ZMPSTE24: variants seen among roughly 807,000 people sequenced by gnomAD.
The protein encoded by ZMPSTE24 is zinc metallopeptidase STE24, also known as CAAX prenyl protease 1 homolog.
A neutral mutation model predicts 56.7 loss-of-function variants in ZMPSTE24; 48 were observed. That is an observed-to-expected ratio of 0.85 (90% confidence interval 0.67 to 1.08). ZMPSTE24 has a LOEUF of 1.08. Among genes scored for constraint, ZMPSTE24 ranks in the 50% least tolerant of loss-of-function variants. The pLI is 0.00. For synonymous variants in ZMPSTE24, 172 were observed against 195.2 expected (o/e 0.88, Z 0.99); for missense variants, 503 against 548.7 (o/e 0.92, Z 0.83).
chr1:40,265,381 T>A (rs1485845343), intron 2 of ZMPSTE24, among the ~76,000 whole-genome samples: 2 of 152,060 alleles, frequency 1.3e-5, no homozygotes, highest in African/African-American at 4.8e-5. Context: ...TGTAGTAAAG[T>A]GGAAATACCT....
rs771942616 is a variant in ZMPSTE24, at chr1:40,260,936, A to C, written c.221A>C (p.Lys74Thr). 1 of 1,614,194 alleles carries C rather than the reference A, an allele frequency of 6.2e-7. No homozygotes were observed. Among genetic ancestry groups the C allele is most frequent in the Non-Finnish European group, 8.5e-7 (1 of 1,180,032 alleles). Residue 74 changes from lysine to threonine, a missense_variant, in exon 2 of 10, where the codon AAA (lysine) becomes ACA (threonine). Lys to Thr is a moderately conservative substitution (Grantham distance 78). Transcript: ENST00000372759. The stretch of plus-strand genomic sequence containing the variant: ...AAATCTCGACTCTATCAACTGGATA[A>C]AAGCACTTTCAGCTTCTGGTCAGGA... ...FEKSRLYQLDKSTFSFWSGLY... is the reference protein window; with the variant it reads ...FEKSRLYQLDTSTFSFWSGLY...
At chr1:40,290,447 T>A (rs1446290838) in intron 8 of ZMPSTE24, among the ~76,000 whole-genome samples, 2 of 136,982 alleles carry the variant, frequency 1.5e-5, no homozygotes, top group African/African-American at 5.8e-5. Flanking sequence ...AATCACACTA[T>A]GAATTTTTTT....
chr1:40,281,315 T>A, intron 6 of ZMPSTE24, 28 bp from the exon 7 acceptor site: 1 of 1,612,872 alleles, frequency 6.2e-7, no homozygotes, highest in Non-Finnish European at 8.5e-7. Context: ...TTAATTATAT[T>A]CCATGCTTTG....
At chr1:40,275,194 C>T (rs539336708) in intron 6 of ZMPSTE24, among the ~76,000 whole-genome samples, 2 of 143,028 alleles carry the variant, frequency 1.4e-5, no homozygotes, top group East Asian at 4.2e-4. Context: ...CCGAGGTGGG[C>T]GGATCACTTG....
At chr1:40,267,348 TTA>T (rs1643560729) in intron 2 of ZMPSTE24, among the ~76,000 whole-genome samples, 1 of 143,302 alleles carries the variant, frequency 7.0e-6, no homozygotes. Context: ...TTATTTTATT[TTA>T]TTTTATTTTA....
At chr1:40,270,601 C>A (rs905198124) in intron 5 of ZMPSTE24, among the ~76,000 whole-genome samples, 3 of 152,088 alleles carry the variant, frequency 2.0e-5, no homozygotes, top group African/African-American at 7.2e-5. Flanking sequence ...CTTCTTTGCC[C>A]CATCTGCTTC....
chr1:40,285,551 A>G (rs1262772099), intron 7 of ZMPSTE24, among the ~76,000 whole-genome samples: 1 of 152,222 alleles, frequency 6.6e-6, no homozygotes, highest in African/African-American at 2.4e-5. Flanking sequence ...TAATCTTTGA[A>G]AACAAAATTT....
chr1:40,290,737 C>CA, intron 8 of ZMPSTE24, 117 bp from the exon 9 acceptor site: 1 of 1,239,046 alleles, frequency 8.1e-7, no homozygotes, highest in Non-Finnish European at 1.2e-6. Context: ...GCTGGGATTA[C>CA]AGGCGTGAGC....
In ZMPSTE24 at chr1:40,267,558, T is replaced by C. The variant is rs562281665; in HGVS notation, c.271-228T>C. ...TTTTAAATTTTTTGTAGAGATGGGG[T>C]CTCAACTCACCTTGTTGCCCAGGCT... On this transcript the variant is annotated intron_variant, in intron 2 of 9. Transcript: ENST00000372759. Among the ~76,000 whole-genome samples the C allele has an allele frequency of 2.5e-4, 37 of 147,760 alleles. 1 individual carries two copies. The highest frequency in any genetic ancestry group is 5.1e-4 in the Non-Finnish European group (33 of 65,154).
intron 2 of ZMPSTE24, among the ~76,000 whole-genome samples, chr1:40,261,640 C>T (rs1037732882): frequency 3.3e-4 from 50 of 152,282 alleles, no homozygotes; most frequent in African/African-American, 1.2e-3. Flanking sequence ...TAGTGCCTGG[C>T]ATGTAATCAG....
intron 9 of ZMPSTE24, among the ~76,000 whole-genome samples, chr1:40,291,601 G>T (rs1557783695): frequency 6.6e-6 from 1 of 152,154 alleles, no homozygotes; most frequent in Non-Finnish European, 1.5e-5. Flanking sequence ...TGTTTGGTAA[G>T]GCTTCCAAAT....
chr1:40,269,971 G>C lies in ZMPSTE24; in HGVS notation c.475-4G>C, dbSNP rs1643597043. 3 of 1,602,200 alleles carry C rather than the reference G, an allele frequency of 1.9e-6. No homozygotes were observed. The highest frequency in any genetic ancestry group is 2.5e-6 in the Non-Finnish European group (3 of 1,176,954). On this transcript the variant is annotated splice_region_variant and splice_polypyrimidine_tract_variant and intron_variant, in intron 4 of 9. Transcript: ENST00000372759. ...TTTCTTGTGGTAATGTTTTCTTTTTGCAGACTTTGGGGTTCTTCATGAAAG... is the reference window on the plus strand; with the variant it reads ...TTTCTTGTGGTAATGTTTTCTTTTTCCAGACTTTGGGGTTCTTCATGAAAG...
chr1:40,281,212 T>A (rs78985808), intron 6 of ZMPSTE24, 131 bp from the exon 7 acceptor site: 11 of 928,578 alleles, frequency 1.2e-5, no homozygotes, highest in Non-Finnish European at 1.7e-6. Flanking sequence ...TATGTTGATA[T>A]GATTTTTCTT....
intron 6 of ZMPSTE24, among the ~76,000 whole-genome samples, chr1:40,274,585 A>G (rs894502743): frequency 6.6e-6 from 1 of 152,178 alleles, no homozygotes; most frequent in Non-Finnish European, 1.5e-5. Context: ...GAGTGTTAGG[A>G]GATGAAATCT....
At chr1:40,266,735 C>T (rs887274627) in intron 2 of ZMPSTE24, among the ~76,000 whole-genome samples, 2 of 147,064 alleles carry the variant, frequency 1.4e-5, no homozygotes, top group South Asian at 2.2e-4. Context: ...ATTTCTATCA[C>T]TCATTAGCTG....
chr1:40,276,965 T>C (rs1569642359), intron 6 of ZMPSTE24, among the ~76,000 whole-genome samples: 1 of 152,220 alleles, frequency 6.6e-6, no homozygotes, highest in African/African-American at 2.4e-5. Flanking sequence ...TTTATTATAA[T>C]TTTGTGGGAC....
intron 7 of ZMPSTE24, among the ~76,000 whole-genome samples, chr1:40,281,729 A>G (rs1178365228): frequency 6.6e-6 from 1 of 152,154 alleles, no homozygotes; most frequent in Non-Finnish European, 1.5e-5. Flanking sequence ...GCTTTTATAG[A>G]ATGTGGATAT....
intron 2 of ZMPSTE24, among the ~76,000 whole-genome samples, chr1:40,262,319 G>A (rs1417314747): frequency 6.6e-6 from 1 of 152,142 alleles, no homozygotes; most frequent in African/African-American, 2.4e-5. Context: ...TTAAATTTTG[G>A]TATTTAGAAA....
intron 8 of ZMPSTE24, 28 bp downstream of exon 8, chr1:40,286,057 T>G: frequency 1.3e-6 from 2 of 1,574,496 alleles, no homozygotes; most frequent in Non-Finnish European, 1.7e-6. Flanking sequence ...ATTCTTTTTT[T>G]ATGGCATGAT....
Sources: gnomAD v4.1 joint callset for allele counts (sites outside exome capture counted in the v4.1 genomes callset) on GRCh38, gnomAD v4.1.1 for gene constraint, MANE v1.5 for transcripts, NCBI Gene and HGNC (gene_info 2026-07-23, HGNC 2026-07-21) for gene names.